MIER1: variants seen among roughly 807,000 people sequenced by gnomAD.
MIER1 encodes MIER1 transcriptional regulator, also known as mesoderm induction early response protein 1.
A neutral mutation model predicts 75.7 loss-of-function variants in MIER1; 40 were observed. The ratio of observed to expected loss-of-function variants is 0.53; its 90% confidence interval spans 0.41 to 0.69. The LOEUF (loss-of-function observed/expected upper bound fraction) is 0.69, where lower values mean the gene tolerates loss of function less well. Ranked by LOEUF, MIER1 falls within the 30% of genes least tolerant of loss-of-function variation. The pLI is 0.00. For synonymous variants in MIER1, 213 were observed against 223.4 expected, an observed-to-expected ratio of 0.95 and a Z score of 0.42; for missense variants, 574 against 680.2, an observed-to-expected ratio of 0.84 and a Z score of 1.74.
At chr1:66,947,523 C>T (rs1282737698) in intron 4 of MIER1, 2 of 152,104 alleles carry the variant, frequency 1.3e-5, no homozygotes, top group African/African-American at 2.4e-5. Context: ...TCATTTGTAT[C>T]CACAAGAATA....
chr1:66,976,483 GATTAT>G (rs1664755007), intron 11 of MIER1, 107 bp from the exon 12 acceptor site: 1 of 895,874 alleles, frequency 1.1e-6, no homozygotes, highest in African/African-American at 1.7e-5. Flanking sequence ...TTATATATAG[GATTAT>G]ATTTCAGTTA....
intron 12 of MIER1, 107 bp from the exon 13 acceptor site, chr1:66,981,672 A>AAAC (rs1665911767): frequency 1.3e-6 from 1 of 795,684 alleles, no homozygotes; most frequent in African/African-American, 1.7e-5. Context: ...AATGAATGTT[A>AAAC]AGTGAATATT....
At chr1:66,953,829 C>T (rs1659534280) in intron 4 of MIER1, among the ~76,000 whole-genome samples, 1 of 151,942 alleles carries the variant, frequency 6.6e-6, no homozygotes, top group African/African-American at 2.4e-5. Context: ...GTCTTGAACT[C>T]CTGATCTCAA....
intron 4 of MIER1, among the ~76,000 whole-genome samples, chr1:66,951,623 C>G (rs1489069842): frequency 6.6e-6 from 1 of 151,742 alleles, no homozygotes; most frequent in East Asian, 1.9e-4. Flanking sequence ...TTCTGTCGCT[C>G]TGGCTGGAGT....
intron 8 of MIER1, among the ~76,000 whole-genome samples, chr1:66,967,807 T>C (rs1013861639): frequency 6.6e-6 from 1 of 152,212 alleles, no homozygotes; most frequent in African/African-American, 2.4e-5. Context: ...AATGTTGACT[T>C]GGTGGCATAT....
chr1:66,978,250 C>A (rs1391184494), intron 12 of MIER1, among the ~76,000 whole-genome samples: 2 of 151,022 alleles, frequency 1.3e-5, no homozygotes, highest in Non-Finnish European at 3.0e-5. Context: ...GCTCTTCAGA[C>A]TCCTAAACTG....
chr1:66,925,936 G>C (rs1310785545), intron 1 of MIER1, among the ~76,000 whole-genome samples: 3 of 152,170 alleles, frequency 2.0e-5, no homozygotes, highest in African/African-American at 4.8e-5. Flanking sequence ...GGAATGAGGC[G>C]ACCTATTTAT....
chr1:66,970,515 A>G (rs189711664), intron 8 of MIER1, among the ~76,000 whole-genome samples: 208 of 152,314 alleles, frequency 1.4e-3, no homozygotes, highest in Middle Eastern at 0.01. Context: ...GTCATCATAC[A>G]TGTAATAAGT....
rs751296809 is a variant in MIER1 at position 66,984,663 on chromosome 1, G to T, written c.1461G>T (p.Lys487Asn). Residue 487 changes from lysine (K) to asparagine (N), a missense_variant, in exon 14 of 14, where the codon AAG becomes AAT. Physicochemically the swap from Lys to Asn is moderately conservative, Grantham distance 94 (BLOSUM62 0). Around this residue, in one of 3 missense-constraint regions of MIER1, gnomAD observed 164 missense variants for 154.3 expected, o/e 1.06. Transcript: ENST00000401041. ...TTAATGGACCAACAGGTGGAAATAAGAAACCACTTCATGCAGATATGGATA... is the reference window on the plus strand; with the variant it reads ...TTAATGGACCAACAGGTGGAAATAATAAACCACTTCATGCAGATATGGATA... ...LHINGPTGGN[K>N]KPLHADMDTN... 10 of 1,613,796 alleles carry T rather than the reference G, an allele frequency of 6.2e-6. No homozygotes were observed. The Admixed American group carries it at 1.2e-4, about 19-fold the overall frequency.
At chr1:66,946,362 A>G in intron 4 of MIER1, 67 bp downstream of exon 4, 1 of 1,482,490 alleles carries the variant, frequency 6.7e-7, no homozygotes, top group Non-Finnish European at 8.9e-7. Context: ...AAGATCTGAA[A>G]TTTTGATTCT....
chr1:66,944,919 T>G (rs953376269), intron 3 of MIER1, among the ~76,000 whole-genome samples: 37 of 151,932 alleles, frequency 2.4e-4, no homozygotes, highest in African/African-American at 8.2e-4. Flanking sequence ...AGAGACGGTG[T>G]CTCATTATGT....
At chr1:66,960,244 G>A (rs1186555981) in intron 7 of MIER1, among the ~76,000 whole-genome samples, 2 of 152,000 alleles carry the variant, frequency 1.3e-5, no homozygotes, top group Admixed American at 6.6e-5. Flanking sequence ...CATATTGCAA[G>A]TTTTTCATTC....
Position 66,946,279 on chromosome 1 carries a change from T to G in MIER1, c.323T>G (p.Ile108Arg). The G allele has an allele frequency of 2.5e-6, 4 of 1,607,824 alleles. No homozygotes were observed. Among genetic ancestry groups the G allele is most frequent in the Non-Finnish European group, 3.4e-6 (4 of 1,178,344 alleles). The part of the protein sequence containing the change: ...MEGETNFSSE[I>R]EDLAREGDMP... ...GGAGAAACAAACTTCAGCTCTGAAA[T>G]AGAAGATCTTGCAAGGGTAAATAAC... Residue 108 changes from isoleucine (I) to arginine (R), a missense_variant, in exon 4 of 14, where the codon ATA (isoleucine) becomes AGA (arginine). This residue lies in a region of MIER1 where 309 missense variants were observed against 352.8 expected (regional missense o/e 0.88). Coordinates refer to ENST00000401041, the MANE Select transcript of MIER1 (RefSeq NM_001077700.3).
intron 2 of MIER1, among the ~76,000 whole-genome samples, chr1:66,939,136 C>A (rs777107019): frequency 3.3e-5 from 5 of 152,080 alleles, no homozygotes; most frequent in Non-Finnish European, 7.4e-5. Context: ...ATAGATACTT[C>A]TGAATGAATT....
At position 66,983,184 on chromosome 1, in the gene MIER1, T is replaced by A. The variant is rs529908587; in HGVS notation, c.1369+1266T>A. 5.3e-5 allele frequency among the ~76,000 whole-genome samples: 8 copies of A among 152,328 alleles called. No individual in the cohort carries two copies. In the South Asian group the frequency reaches 6.2e-4, roughly 12 times the overall value. On this transcript the variant is annotated intron_variant, in intron 13 of 13. Transcript: ENST00000401041. ...TTCAAAGGAAGGAAGGAACTTTTCA[T>A]CCCAATGTTATATTACTTTTTTATA...
chr1:66,940,122 A>G (rs1167792545), intron 3 of MIER1, 70 bp downstream of exon 3: 4 of 1,127,982 alleles, frequency 3.5e-6, no homozygotes, highest in East Asian at 4.8e-5. Context: ...CATAAAGACT[A>G]GAGGAGTTAG....
intron 2 of MIER1, among the ~76,000 whole-genome samples, chr1:66,939,571 TTTTA>T: frequency 6.6e-6 from 1 of 152,250 alleles, no homozygotes; most frequent in Non-Finnish European, 1.5e-5. Context: ...ACAACTTAAT[TTTTA>T]TTTGAGATAG....
intron 3 of MIER1, 61 bp downstream of exon 3, chr1:66,940,113 A>G (rs748904570): frequency 1.9e-5 from 24 of 1,254,526 alleles, no homozygotes; most frequent in Non-Finnish European, 2.6e-5. Context: ...TACTAGTTGC[A>G]TAAAGACTAG....
chr1:66,935,769 C>T (rs1654651177), intron 2 of MIER1, among the ~76,000 whole-genome samples: 1 of 152,142 alleles, frequency 6.6e-6, no homozygotes, highest in South Asian at 2.1e-4. Flanking sequence ...TATTCCAGCC[C>T]AGTTTACGCC....
Sources: allele counts gnomAD v4.1 joint callset (sites outside exome capture counted in the v4.1 genomes callset), GRCh38; gene constraint gnomAD v4.1.1; regional missense constraint gnomAD v4.1.1; transcripts MANE v1.5; gene names NCBI Gene and HGNC (gene_info 2026-07-23, HGNC 2026-07-21).